The following NTNG1 variants were observed in gnomAD, a reference collection of about 807,000 sequenced individuals.
NTNG1 encodes the protein netrin G1, also known as netrin-G1.
In NTNG1, 16 loss-of-function variants were observed where a neutral mutation model predicts 54.0. The observed-to-expected ratio is 0.30, with a 90% confidence interval of 0.20 to 0.45. The LOEUF is 0.45. Among genes scored for constraint, NTNG1 ranks in the 20% least tolerant of loss-of-function variants. The pLI is 1.00. For synonymous variants in NTNG1, 255 were observed against 263.1 expected (o/e 0.97, Z 0.30); for missense variants, 530 against 678.7 (o/e 0.78, Z 2.43).
intron 2 of NTNG1, among the ~76,000 whole-genome samples, chr1:107,248,793 C>T (rs1662370393): frequency 6.6e-6 from 1 of 152,018 alleles, no homozygotes; most frequent in South Asian, 2.1e-4. Context: ...GTATATCTGG[C>T]TTATAAATCC....
chr1:107,165,908 T>A (rs1433727621), intron 2 of NTNG1, among the ~76,000 whole-genome samples: 4 of 152,180 alleles, frequency 2.6e-5, no homozygotes, highest in Non-Finnish European at 4.4e-5. Flanking sequence ...TACGTTGTGT[T>A]CCCTAAGTGT....
chr1:107,402,153 T>G (rs1184257534), intron 4 of NTNG1, among the ~76,000 whole-genome samples: 1 of 152,180 alleles, frequency 6.6e-6, no homozygotes, highest in Non-Finnish European at 1.5e-5. Flanking sequence ...CAAGTCCTTA[T>G]GGCCAGTGTA....
chr1:107,476,243 T>A (rs942536714), intron 7 of NTNG1, among the ~76,000 whole-genome samples: 1 of 152,184 alleles, frequency 6.6e-6, no homozygotes, highest in African/African-American at 2.4e-5. Flanking sequence ...GTCTTTCTCT[T>A]CCAATGGCCT....
At chr1:107,424,912 C>A (rs74108734) in intron 5 of NTNG1, among the ~76,000 whole-genome samples, 2,066 of 151,930 alleles carry the variant, frequency 0.014, 57 homozygotes, top group African/African-American at 0.048. Flanking sequence ...ATGTAGAGAA[C>A]AAAGAGGTCC....
chr1:107,427,501 A>T (rs1402785947), intron 5 of NTNG1, among the ~76,000 whole-genome samples: 1 of 152,150 alleles, frequency 6.6e-6, no homozygotes, highest in Admixed American at 6.6e-5. Flanking sequence ...GTAGGAAATT[A>T]ACAGAACACC....
rs75330029 is a variant in NTNG1 at position 107,169,812 on chromosome 1, T to C, written c.246+20973T>C. ...AGAGAAGCAGAGCTAGTAGGAGATGTACATTAAGAGATGCCTCGCAAAGAA... is the reference window on the plus strand; with the variant it reads ...AGAGAAGCAGAGCTAGTAGGAGATGCACATTAAGAGATGCCTCGCAAAGAA... On this transcript the variant is annotated intron_variant, in intron 2 of 7. Transcript: ENST00000370068. Among the ~76,000 whole-genome samples, 80 of 152,294 alleles carry C rather than the reference T, an allele frequency of 5.3e-4. No homozygotes were observed. In the East Asian group the frequency reaches 0.015, roughly 29 times the overall value.
chr1:107,346,884 TAAA>T lies in NTNG1; in HGVS notation c.887+21985_887+21987del, dbSNP rs537482440. On this transcript the variant is annotated intron_variant, in intron 3 of 7. Transcript: ENST00000370068. The stretch of plus-strand genomic sequence containing the variant: ...CTCTGCCATGATCTCTTTTCTATCC[TAAA>T]AAAAAAAAAAAAAAAAAAAAAATGA... Among the ~76,000 whole-genome samples the T allele has an allele frequency of 5.0e-3, 481 of 97,130 alleles. 4 individuals carry two copies. Among genetic ancestry groups the T allele is most frequent in the East Asian group, 0.02 (64 of 3,182 alleles). 63.7% of individuals were successfully genotyped at this position (97,130 alleles called of 152,430 possible). A position where few individuals can be genotyped will look rare whatever the true frequency, so the allele number is the denominator to read the frequency against.
chr1:107,249,591 T>C (rs1662452849), intron 2 of NTNG1, among the ~76,000 whole-genome samples: 1 of 152,200 alleles, frequency 6.6e-6, no homozygotes, highest in Non-Finnish European at 1.5e-5. Flanking sequence ...AAATGTGTTA[T>C]TGTGATGAGA....
Position 107,278,141 on chromosome 1 carries a change from A to G in NTNG1, c.247-46141A>G, listed in dbSNP as rs1318732525. On this transcript the variant is annotated intron_variant, in intron 2 of 7. Transcript: ENST00000370068. ...TCATCTTGTTGAAAAAGGCCTTTGC[A>G]TTTCCTCCCCACCCATAGTAATCCA... Among the ~76,000 whole-genome samples, 5 of 152,270 alleles carry G rather than the reference A, an allele frequency of 3.3e-5. No individual in the cohort carries two copies. In the East Asian group the frequency reaches 9.7e-4, roughly 29 times the overall value.
Position 107,364,243 on chromosome 1 carries a change from A to C in NTNG1, c.888-30911A>C, listed in dbSNP as rs1029608548. Among the ~76,000 whole-genome samples, 6 of 152,116 alleles carry C rather than the reference A, an allele frequency of 3.9e-5. No homozygotes were observed. In the East Asian group the frequency reaches 1.2e-3, roughly 29 times the overall value. On this transcript the variant is annotated intron_variant, in intron 3 of 7. Transcript: ENST00000370068. The stretch of plus-strand genomic sequence containing the variant: ...CTTACTATTTTGTATTCGGAATTTT[A>C]ATTTGTATTTACCATAATCATTTCA...
At chr1:107,257,750 G>C (rs1364372187) in intron 2 of NTNG1, among the ~76,000 whole-genome samples, 3 of 152,168 alleles carry the variant, frequency 2.0e-5, no homozygotes, top group African/African-American at 7.2e-5. Flanking sequence ...CCCAGAGTAG[G>C]GGTAAGCAAA....
intron 6 of NTNG1, among the ~76,000 whole-genome samples, chr1:107,434,108 C>T (rs1675450975): frequency 6.6e-6 from 1 of 152,144 alleles, no homozygotes; most frequent in East Asian, 1.9e-4. Context: ...GTCTCATCTA[C>T]ATTAAAAATA....
At chr1:107,379,953 G>T (rs1202034084) in intron 3 of NTNG1, among the ~76,000 whole-genome samples, 2 of 152,170 alleles carry the variant, frequency 1.3e-5, no homozygotes, top group Non-Finnish European at 2.9e-5. Flanking sequence ...AAATACTGGA[G>T]TATTTATCCT....
chr1:107,203,763 T>C (rs1286177325), intron 2 of NTNG1, among the ~76,000 whole-genome samples: 1 of 151,654 alleles, frequency 6.6e-6, no homozygotes, highest in Non-Finnish European at 1.5e-5. Context: ...CTCTATACTT[T>C]GAATTTTTTT....
At chr1:107,230,518 G>A (rs1350576472) in intron 2 of NTNG1, among the ~76,000 whole-genome samples, 3 of 152,174 alleles carry the variant, frequency 2.0e-5, no homozygotes, top group Non-Finnish European at 4.4e-5. Flanking sequence ...TAGGACTCTG[G>A]AAAGACTGAG....
intron 4 of NTNG1, among the ~76,000 whole-genome samples, chr1:107,405,314 T>C (rs953497273): frequency 3.3e-5 from 5 of 152,186 alleles, no homozygotes; most frequent in Non-Finnish European, 5.9e-5. Flanking sequence ...AAAAATCTTT[T>C]CTAAGCAATT....
intron 3 of NTNG1, among the ~76,000 whole-genome samples, chr1:107,331,229 G>T (rs1668263949): frequency 6.6e-6 from 1 of 151,426 alleles, no homozygotes; most frequent in Non-Finnish European, 1.5e-5. Flanking sequence ...CCAGAGATCA[G>T]CTCAGTATAT....
intron 3 of NTNG1, among the ~76,000 whole-genome samples, chr1:107,341,988 G>A (rs1008295235): frequency 1.4e-4 from 21 of 151,984 alleles, no homozygotes; most frequent in African/African-American, 4.8e-4. Context: ...GAGTGCATTA[G>A]AGTGGACAAT....
intron 5 of NTNG1, among the ~76,000 whole-genome samples, chr1:107,423,980 T>G (rs2101265890): frequency 6.6e-6 from 1 of 152,270 alleles, no homozygotes; most frequent in South Asian, 2.1e-4. Context: ...GCTTAGTGTA[T>G]GCCAGGCAAT....
Sources: allele counts gnomAD v4.1 joint callset (sites outside exome capture counted in the v4.1 genomes callset), GRCh38; gene constraint gnomAD v4.1.1; transcripts MANE v1.5; gene names NCBI Gene and HGNC (gene_info 2026-07-23, HGNC 2026-07-21).